The following C8B variants were observed in gnomAD, a reference collection of about 807,000 sequenced individuals.
C8B encodes the protein complement C8 beta chain.
A neutral mutation model predicts 64.6 loss-of-function variants in C8B; 67 were observed. The ratio of observed to expected loss-of-function variants is 1.04; its 90% CI spans 0.85 to 1.27. The LOEUF (loss-of-function observed/expected upper bound fraction) is 1.27. Ranked by LOEUF, C8B falls within the 50% of genes most tolerant of loss-of-function variation. C8B has a pLI of 0.00. For missense variants in C8B, 790 were observed against 725.2 expected (o/e 1.09, Z -1.03); for synonymous variants, 284 against 257.7 (o/e 1.10, Z -0.98).
intron 8 of C8B, among the ~76,000 whole-genome samples, chr1:56,941,540 A>AGAT (rs1557731483): frequency 7.3e-6 from 1 of 136,220 alleles, no homozygotes; most frequent in South Asian, 2.3e-4. Flanking sequence ...ATAGATAGAT[A>AGAT]GATAGATAGA....
intron 9 of C8B, among the ~76,000 whole-genome samples, chr1:56,940,241 T>C (rs1452211921): frequency 6.6e-6 from 1 of 152,096 alleles, no homozygotes; most frequent in Non-Finnish European, 1.5e-5. Flanking sequence ...ATTGATTAAA[T>C]TTTAAATAAA....
At chr1:56,955,811 C>T (rs551930817) in intron 3 of C8B, among the ~76,000 whole-genome samples, 2 of 152,344 alleles carry the variant, frequency 1.3e-5, no homozygotes, top group African/African-American at 2.4e-5. Context: ...TCCCCATGCA[C>T]AGTCCACATG....
chr1:56,966,011 G>A lies in C8B; in HGVS notation c.-63C>T, dbSNP rs571936949. 40 of 1,611,608 alleles carry A rather than the reference G, an allele frequency of 2.5e-5. No individual in the cohort carries two copies. The South Asian group carries it at 4.4e-4, about 18-fold the overall frequency. On this transcript the variant is annotated 5_prime_UTR_variant, in exon 1 of 12. Coordinates refer to ENST00000371237, the MANE Select transcript of C8B (RefSeq NM_000066.4). ...GACCCATAACAAGCCTGTGCTGTGAGTGCCACTGTCAGCTTCTGTCCCCAA... is the reference window on the plus strand; with the variant it reads ...GACCCATAACAAGCCTGTGCTGTGAATGCCACTGTCAGCTTCTGTCCCCAA...
chr1:56,942,070 A>G (rs2101391918), intron 8 of C8B, among the ~76,000 whole-genome samples: 1 of 152,380 alleles, frequency 6.6e-6, no homozygotes. Flanking sequence ...TGTGTCAGTC[A>G]GTAATCTAAG....
At chr1:56,929,656 G>A (rs575608161) in intron 11 of C8B, 98 bp from the exon 12 acceptor site, 6 of 1,165,342 alleles carry the variant, frequency 5.1e-6, no homozygotes, top group Non-Finnish European at 7.6e-6. Context: ...GGCTTTGGGA[G>A]TCTGAATCTC....
At chr1:56,949,350 A>G (rs1644987110) in intron 6 of C8B, among the ~76,000 whole-genome samples, 1 of 152,092 alleles carries the variant, frequency 6.6e-6, no homozygotes, top group South Asian at 2.1e-4. Context: ...CTTCCTCACC[A>G]TGTGATGCCT....
chr1:56,959,584 G>A, intron 2 of C8B: 1 of 1,535,380 alleles, frequency 6.5e-7, no homozygotes, highest in Non-Finnish European at 8.7e-7. Flanking sequence ...AGTCATACAA[G>A]TGTCCATTGT....
intron 1 of C8B, among the ~76,000 whole-genome samples, chr1:56,962,704 T>C (rs1645195155): frequency 6.6e-6 from 1 of 152,258 alleles, no homozygotes; most frequent in South Asian, 2.1e-4. Flanking sequence ...TTTTTAATTT[T>C]GACATCTGCA....
rs41286844 is a variant in C8B at position 56,940,965 on chromosome 1, G to T, written c.1282C>A (p.Arg428=). The T allele has an allele frequency of 2.5e-6, 4 of 1,613,758 alleles. No homozygotes were observed. The highest frequency in any genetic ancestry group is 2.2e-5 in the South Asian group (2 of 91,052). ...TMVEDLVVLV[R]GGASEHITTL... Reference sequence around the variant, plus strand: ...GTGATGTGCTCACTTGCCCCTCCTCGTACCAGGACCACCAAGTCCTCCACC... The same window carrying T: ...GTGATGTGCTCACTTGCCCCTCCTCTTACCAGGACCACCAAGTCCTCCACC... The change falls in exon 9 of 12, where the codon CGA becomes AGA. Residue 428 remains arginine, a synonymous_variant. Coordinates refer to ENST00000371237, the MANE Select transcript of C8B (RefSeq NM_000066.4).
intron 2 of C8B, chr1:56,959,460 C>T (rs1243798239): frequency 3.2e-5 from 30 of 948,244 alleles, no homozygotes; most frequent in Admixed American, 1.0e-4. Context: ...AAAGAGGCAG[C>T]TCCTGAGTAG....
intron 2 of C8B, among the ~76,000 whole-genome samples, chr1:56,957,962 C>T (rs604842): frequency 1.4e-3 from 211 of 152,096 alleles, no homozygotes; most frequent in African/African-American, 4.7e-3. Context: ...GAAGAACTGA[C>T]GAGAGTGGGG....
Position 56,959,412 on chromosome 1 carries a change from T to C in C8B, c.249+608A>G, listed in dbSNP as rs1013034496. The C allele has an allele frequency of 5.9e-6, 4 of 675,956 alleles. No individual in the cohort carries two copies. The African/African-American group carries it at 7.1e-5, about 12-fold the overall frequency. The allele number at this position is 675,956 out of a possible 1,614,324, so 41.9% of individuals were successfully genotyped here. On this transcript the variant is annotated intron_variant, in intron 2 of 11. Transcript: ENST00000371237. Reference sequence around the variant, plus strand: ...CTCATAAAAGATTGCTTTATCCAACTGGAGGTAGGGCTGAGGAGGAGTCAA... The same window carrying C: ...CTCATAAAAGATTGCTTTATCCAACCGGAGGTAGGGCTGAGGAGGAGTCAA...
intron 5 of C8B, among the ~76,000 whole-genome samples, chr1:56,951,790 C>T (rs1645023893): frequency 6.6e-6 from 1 of 152,178 alleles, no homozygotes; most frequent in African/African-American, 2.4e-5. Flanking sequence ...ACTCCAAATC[C>T]TAAGCTTTAT....
chr1:56,948,990 C>A (rs1316555498), intron 6 of C8B, among the ~76,000 whole-genome samples: 2 of 146,266 alleles, frequency 1.4e-5, no homozygotes, highest in African/African-American at 2.5e-5. Context: ...CCTGGTCTCT[C>A]TAAAAAGTAA....
intron 6 of C8B, 76 bp downstream of exon 6, chr1:56,949,479 C>A: frequency 7.8e-7 from 1 of 1,274,946 alleles, no homozygotes; most frequent in South Asian, 1.2e-5. Context: ...ATCATCCATT[C>A]TGTGGTGTTT....
At chr1:56,936,750 C>T (rs1044304509) in intron 9 of C8B, among the ~76,000 whole-genome samples, 2 of 151,984 alleles carry the variant, frequency 1.3e-5, no homozygotes, top group Non-Finnish European at 2.9e-5. Context: ...CATGCCACCA[C>T]ACCCAGCCAA....
chr1:56,943,056 A>G (rs1278026329), intron 8 of C8B, among the ~76,000 whole-genome samples: 1 of 151,906 alleles, frequency 6.6e-6, no homozygotes, highest in Non-Finnish European at 1.5e-5. Flanking sequence ...AGATCACGCC[A>G]GAGTAAGACT....
At position 56,940,952 on chromosome 1, in the gene C8B, C is replaced by T. The variant is rs755501221; in HGVS notation, c.1295G>A (p.Ser432Asn). The change falls in exon 9 of 12, where the codon AGT becomes AAT. Residue 432 changes from serine to asparagine, a missense_variant. Transcript: ENST00000371237. ...GTATGCCAGGGTGGTGATGTGCTCA[C>T]TTGCCCCTCCTCGTACCAGGACCAC... ...DLVVLVRGGA[S>N]EHITTLAYQE... 1.2e-6 allele frequency: 2 copies of T among 1,614,148 alleles called. No homozygotes were observed. The highest frequency in any genetic ancestry group is 1.1e-5 in the South Asian group (1 of 91,084).
intron 5 of C8B, among the ~76,000 whole-genome samples, chr1:56,950,995 A>G (rs1645013001): frequency 6.6e-6 from 1 of 152,184 alleles, no homozygotes; most frequent in Non-Finnish European, 1.5e-5. Context: ...GTTTGGCGCT[A>G]AGCCAAATTT....
Sources: allele counts gnomAD v4.1 joint callset (sites outside exome capture counted in the v4.1 genomes callset), GRCh38; gene constraint gnomAD v4.1.1; transcripts MANE v1.5; gene names NCBI Gene and HGNC (gene_info 2026-07-23, HGNC 2026-07-21).